Variants in UST observed in about 807,000 individuals in gnomAD.
UST encodes uronyl 2-sulfotransferase.
A neutral mutation model predicts 45.6 loss-of-function variants in UST; 21 were observed. That is an observed-to-expected ratio of 0.46 (90% CI 0.33 to 0.66). The LOEUF is 0.66. Ranked by LOEUF, UST falls within the 30% of genes least tolerant of loss-of-function variation. The probability of loss-of-function intolerance (pLI) is 0.02; values close to 1 mark genes in which losing one functional copy is unlikely to be tolerated. For synonymous variants in UST, 215 were observed against 200.6 expected (o/e 1.07, Z -0.61); for missense variants, 463 against 512.4 (o/e 0.90, Z 0.93).
At chr6:148,855,070 T>TA (rs1778177480) in intron 1 of UST, among the ~76,000 whole-genome samples, 1 of 152,152 alleles carries the variant, frequency 6.6e-6, no homozygotes, top group South Asian at 2.1e-4. Context: ...ACAGGCTTTT[T>TA]AAAACCATCA....
Position 149,062,095 on chromosome 6 carries a change from T to C in UST, c.938-11738T>C, listed in dbSNP as rs80347728. On this transcript the variant is annotated intron_variant, in intron 7 of 7. Transcript: ENST00000367463. ...ACGGTGGCTTCTACATAGCTATTTG[T>C]GTTTGTGGTGAACCTTCCTTATCAT... is the stretch of plus-strand genomic sequence containing the variant. Among the ~76,000 whole-genome samples, 703 of 152,374 alleles carry C rather than the reference T, an allele frequency of 4.6e-3. 11 individuals carry two copies. The highest frequency in any genetic ancestry group is 0.016 in the African/African-American group (651 of 41,578).
chr6:148,755,712 T>A (rs1475087451), intron 1 of UST, among the ~76,000 whole-genome samples: 1 of 151,954 alleles, frequency 6.6e-6, no homozygotes, highest in Non-Finnish European at 1.5e-5. Flanking sequence ...AGTATTCCAA[T>A]TATGAGCATT....
At chr6:148,759,489 T>C (rs1326622426) in intron 1 of UST, among the ~76,000 whole-genome samples, 5 of 150,686 alleles carry the variant, frequency 3.3e-5, no homozygotes, top group Non-Finnish European at 7.4e-5. Flanking sequence ...ATCGCACCAC[T>C]GCACTCCAGC....
chr6:148,773,967 C>T (rs370623334), intron 1 of UST, among the ~76,000 whole-genome samples: 3 of 152,174 alleles, frequency 2.0e-5, no homozygotes, highest in Non-Finnish European at 2.9e-5. Context: ...CTGTCCTCCC[C>T]GACTTTATAA....
chr6:148,977,520 G>A (rs950353884), intron 5 of UST, among the ~76,000 whole-genome samples: 8 of 151,966 alleles, frequency 5.3e-5, no homozygotes, highest in South Asian at 4.2e-4. Flanking sequence ...GGGAGGCCAG[G>A]GCGGGCGGAT....
chr6:149,006,182 C>A (rs1223660054), intron 5 of UST, among the ~76,000 whole-genome samples: 1 of 152,184 alleles, frequency 6.6e-6, no homozygotes, highest in East Asian at 1.9e-4. Flanking sequence ...CACCCATCAA[C>A]CCATCACCTA....
Position 148,965,787 on chromosome 6 carries a change from C to T in UST, c.681+1224C>T, listed in dbSNP as rs1481218278. ...CCACTCACCTTCGGTATTTGATCAA[C>T]TACCTAAGGCTTCAGTGAAATATTT... On this transcript the variant is annotated intron_variant, in intron 5 of 7. Coordinates refer to ENST00000367463, the MANE Select transcript of UST (RefSeq NM_005715.3). Among the ~76,000 whole-genome samples, 8 of 152,042 alleles carry T rather than the reference C, an allele frequency of 5.3e-5. No individual in the cohort carries two copies. In the East Asian group the frequency reaches 9.7e-4, roughly 18 times the overall value.
chr6:148,828,226 C>A (rs1357766749), intron 1 of UST, among the ~76,000 whole-genome samples: 1 of 128,232 alleles, frequency 7.8e-6, no homozygotes, highest in Non-Finnish European at 1.7e-5. Context: ...CTTTGTTAGT[C>A]TATATTATTT....
At chr6:148,914,721 G>A (rs1315705743) in intron 2 of UST, among the ~76,000 whole-genome samples, 1 of 152,120 alleles carries the variant, frequency 6.6e-6, no homozygotes, top group Non-Finnish European at 1.5e-5. Context: ...CTCTTTCTGT[G>A]CAGCCCAGTT....
chr6:148,813,420 T>C (rs1285465325), intron 1 of UST, among the ~76,000 whole-genome samples: 1 of 151,978 alleles, frequency 6.6e-6, no homozygotes. Flanking sequence ...CTTGCTCTGT[T>C]GCCCAGGCTG....
intron 5 of UST, among the ~76,000 whole-genome samples, chr6:149,000,285 A>G (rs1781523227): frequency 6.6e-6 from 1 of 152,244 alleles, no homozygotes; most frequent in East Asian, 1.9e-4. Context: ...ACTCACAAGT[A>G]AGAAGTGAAC....
At chr6:148,907,995 G>A (rs907360451) in intron 2 of UST, among the ~76,000 whole-genome samples, 2 of 131,330 alleles carry the variant, frequency 1.5e-5, no homozygotes, top group East Asian at 4.7e-4. Flanking sequence ...TGCAACCTCC[G>A]TCTCGCAGGT....
At chr6:148,863,283 T>C (rs1338552421) in intron 1 of UST, among the ~76,000 whole-genome samples, 1 of 152,238 alleles carries the variant, frequency 6.6e-6, no homozygotes, top group Non-Finnish European at 1.5e-5. Flanking sequence ...TTCCACTTGA[T>C]CGAATTGGCT....
At chr6:148,999,258 C>T (rs1303383973) in intron 5 of UST, among the ~76,000 whole-genome samples, 1 of 152,130 alleles carries the variant, frequency 6.6e-6, no homozygotes, top group East Asian at 1.9e-4. Flanking sequence ...TGAAATCTTT[C>T]ATTAGACACC....
At chr6:148,792,639 C>T (rs12208914) in intron 1 of UST, among the ~76,000 whole-genome samples, 17,768 of 152,162 alleles carry the variant, frequency 0.12, 1,473 homozygotes, top group African/African-American at 0.23. Context: ...GTAGCTGGGC[C>T]TTTCAATTTA....
At chr6:148,920,750 G>A (rs985195703) in intron 2 of UST, among the ~76,000 whole-genome samples, 15 of 152,108 alleles carry the variant, frequency 9.9e-5, no homozygotes, top group African/African-American at 2.9e-4. Flanking sequence ...GGCTGCTCTC[G>A]AACTCCCAGG....
chr6:148,987,680 T>C (rs986050695), intron 5 of UST, among the ~76,000 whole-genome samples: 2 of 152,126 alleles, frequency 1.3e-5, no homozygotes, highest in African/African-American at 2.4e-5. Flanking sequence ...GTTTCTTCCT[T>C]CTTAATTTAT....
At chr6:149,066,322 G>T (rs1383374099) in intron 7 of UST, 1 of 152,170 alleles carries the variant, frequency 6.6e-6, no homozygotes, top group Non-Finnish European at 1.5e-5. Flanking sequence ...AGGAAGTTGG[G>T]CTGTGATGGG....
At chr6:148,938,615 C>T (rs901756799) in intron 2 of UST, among the ~76,000 whole-genome samples, 2 of 151,934 alleles carry the variant, frequency 1.3e-5, no homozygotes, top group East Asian at 3.8e-4. Flanking sequence ...TTTAAAATGA[C>T]CTTCTGTTAT....
Sources: gnomAD v4.1 joint callset for allele counts (sites outside exome capture counted in the v4.1 genomes callset) on GRCh38, gnomAD v4.1.1 for gene constraint, MANE v1.5 for transcripts, NCBI Gene and HGNC (gene_info 2026-07-23, HGNC 2026-07-21) for gene names.